NAT1: variants seen among roughly 807,000 people sequenced by gnomAD.
NAT1 encodes N-acetyltransferase 1, also known as arylamine N-acetyltransferase 1.
For missense variants in NAT1, 400 were observed against 339.2 expected, an observed-to-expected ratio of 1.18 and a Z score of -1.41; for synonymous variants, 144 against 122.6, an observed-to-expected ratio of 1.17 and a Z score of -1.16.
At chr8:18,198,912 G>A (rs1300826103) in intron 2 of NAT1, among the ~76,000 whole-genome samples, 1 of 152,090 alleles carries the variant, frequency 6.6e-6, no homozygotes, top group African/African-American at 2.4e-5. Context: ...TGAGCTCTAT[G>A]TTCAGAAGTC....
At chr8:18,214,261 A>T (rs868654925) in intron 1 of NAT1, among the ~76,000 whole-genome samples, 2 of 152,132 alleles carry the variant, frequency 1.3e-5, no homozygotes, top group African/African-American at 2.4e-5. Flanking sequence ...TTTGGTTTTC[A>T]TATTCATCTA....
intron 2 of NAT1, among the ~76,000 whole-genome samples, chr8:18,196,828 T>C (rs1174433373): frequency 6.6e-6 from 1 of 152,178 alleles, no homozygotes; most frequent in Non-Finnish European, 1.5e-5. Flanking sequence ...AAATCAATAA[T>C]AATAAAAACT....
intron 1 of NAT1, chr8:18,170,620 C>G (rs1802060773): frequency 6.6e-6 from 1 of 152,138 alleles, no homozygotes; most frequent in Non-Finnish European, 1.5e-5. Flanking sequence ...TTCTAGAATC[C>G]TTTTCTTGCT....
At chr8:18,215,295 C>G (rs539823260) in intron 1 of NAT1, among the ~76,000 whole-genome samples, 3 of 152,322 alleles carry the variant, frequency 2.0e-5, no homozygotes, top group Admixed American at 6.5e-5. Flanking sequence ...TTCTCCACTT[C>G]GGAAGCACCA....
chr8:18,208,452 A>G (rs1316385741), upstream of NAT1, among the ~76,000 whole-genome samples: 1 of 152,230 alleles, frequency 6.6e-6, no homozygotes, highest in African/African-American at 2.4e-5. Context: ...ACATACAAAA[A>G]TCAGTTGCAT....
chr8:18,174,088 G>A (rs551693202), intron 2 of NAT1, among the ~76,000 whole-genome samples: 45 of 152,176 alleles, frequency 3.0e-4, no homozygotes, highest in African/African-American at 1.0e-3. Context: ...TGGCGCCCTA[G>A]GGTCACTAAG....
chr8:18,186,282 G>A (rs1802731227), intron 2 of NAT1, among the ~76,000 whole-genome samples: 1 of 152,062 alleles, frequency 6.6e-6, no homozygotes, highest in Admixed American at 6.6e-5. Context: ...ATGTTTTACT[G>A]TATGATTGTA....
chr8:18,199,690 G>C (rs1017271327), intron 2 of NAT1, among the ~76,000 whole-genome samples: 1 of 152,178 alleles, frequency 6.6e-6, no homozygotes, highest in African/African-American at 2.4e-5. Context: ...TTGAGTGTGT[G>C]ATGGCTGATA....
Position 18,222,231 on chromosome 8 carries a change from A to G in NAT1, c.184A>G (p.Arg62Gly). Residue 62 changes from arginine (R) to glycine (G), a missense_variant, in exon 3 of 3, where the codon AGA (arginine) becomes GGA (glycine). Arg to Gly is a moderately radical substitution (Grantham distance 125, BLOSUM62 -2). Transcript: ENST00000307719. ...LEAIFDQVVR[R>G]NRGGWCLQVN... Reference sequence around the variant, plus strand: ...GGCCATTTTTGATCAAGTTGTGAGAAGAAATCGGGGTGGATGGTGTCTCCA... The same window carrying G: ...GGCCATTTTTGATCAAGTTGTGAGAGGAAATCGGGGTGGATGGTGTCTCCA... The G allele has an allele frequency of 6.2e-7, 1 of 1,614,140 alleles. No homozygotes were observed. The highest frequency in any genetic ancestry group is 8.5e-7 in the Non-Finnish European group (1 of 1,180,012).
intron 1 of NAT1, among the ~76,000 whole-genome samples, chr8:18,218,295 GA>G (rs988262529): frequency 2.6e-5 from 4 of 152,142 alleles, no homozygotes; most frequent in Admixed American, 2.0e-4. Flanking sequence ...ACGTTTTGAT[GA>G]AAAAAAGATA....
At chr8:18,197,795 T>C (rs1416600259) in intron 2 of NAT1, among the ~76,000 whole-genome samples, 2 of 152,088 alleles carry the variant, frequency 1.3e-5, no homozygotes, top group Admixed American at 6.5e-5. Flanking sequence ...CTGTCAGCAG[T>C]TGATTATCAG....
At position 18,171,594 on chromosome 8, in the gene NAT1, T is replaced by G. The variant is rs28383661; in HGVS notation, n.92+855T>G. On this transcript the variant is annotated intron_variant and non_coding_transcript_variant, in intron 2 of 4. Transcript: ENST00000517441. ...ATTGTTGAAAACCTCTTACATTTAA[T>G]TCCTAATAGCTAAGGTATTTCTGCA... is the stretch of plus-strand genomic sequence containing the variant. Among the ~76,000 whole-genome samples the G allele has an allele frequency of 2.3e-4, 35 of 152,220 alleles. No individual in the cohort carries two copies. In the South Asian group the frequency reaches 6.8e-3, roughly 30 times the overall value.
intron 2 of NAT1, among the ~76,000 whole-genome samples, chr8:18,171,728 A>G (rs1000500239): frequency 6.6e-6 from 1 of 152,224 alleles, no homozygotes; most frequent in South Asian, 2.1e-4. Context: ...CAGACTGCAG[A>G]GTTTATTTAG....
At chr8:18,205,928 C>T (rs1803696915), upstream of NAT1, among the ~76,000 whole-genome samples, 2 of 152,150 alleles carry the variant, frequency 1.3e-5, no homozygotes, top group Admixed American at 6.5e-5. Flanking sequence ...GCAAGACCAC[C>T]CTGCAGAGTT....
At chr8:18,188,040 G>T (rs987875787) in intron 2 of NAT1, among the ~76,000 whole-genome samples, 1 of 149,558 alleles carries the variant, frequency 6.7e-6, no homozygotes, top group African/African-American at 2.5e-5. Flanking sequence ...AAGCTATGTT[G>T]TCTTCTTCAA....
intron 1 of NAT1, chr8:18,211,327 G>A (rs1466040268): frequency 2.0e-5 from 3 of 152,196 alleles, no homozygotes; most frequent in Non-Finnish European, 2.9e-5. Flanking sequence ...GCCCTGACAT[G>A]AGGCCCACTA....
chr8:18,193,589 T>C (rs983121329), intron 2 of NAT1, among the ~76,000 whole-genome samples: 25 of 147,392 alleles, frequency 1.7e-4, no homozygotes, highest in African/African-American at 6.2e-4. Flanking sequence ...ATGTAATTCC[T>C]GTGAAAAACG....
At chr8:18,210,298 T>C (rs952375951) in intron 1 of NAT1, 118 bp downstream of exon 1, 17 of 152,188 alleles carry the variant, frequency 1.1e-4, no homozygotes, top group African/African-American at 3.9e-4. Flanking sequence ...GCTCAGAAAG[T>C]GTGGCTGGCA....
intron 2 of NAT1, among the ~76,000 whole-genome samples, chr8:18,200,010 G>A (rs1803396909): frequency 6.6e-6 from 1 of 152,126 alleles, no homozygotes; most frequent in Non-Finnish European, 1.5e-5. Context: ...ATGTCAAAAA[G>A]TAACAGATGC....
Sources: gnomAD v4.1 joint callset for allele counts (sites outside exome capture counted in the v4.1 genomes callset) on GRCh38, gnomAD v4.1.1 for gene constraint, MANE v1.5 for transcripts, NCBI Gene and HGNC (gene_info 2026-07-23, HGNC 2026-07-21) for gene names.